The following PRORP variants were observed in gnomAD, a reference collection of about 807,000 sequenced individuals.
The protein encoded by PRORP is mitochondrial ribonuclease P catalytic subunit.
In PRORP, 51 loss-of-function variants were observed where a neutral mutation model predicts 59.4. That is an observed-to-expected ratio of 0.86 (90% CI 0.69 to 1.08). The LOEUF (loss-of-function observed/expected upper bound fraction) is 1.08. Ranked by LOEUF, PRORP falls within the 50% of genes least tolerant of loss-of-function variation. The probability of loss-of-function intolerance (pLI) is 0.00; values close to 1 mark genes in which losing one functional copy is unlikely to be tolerated. For missense variants in PRORP, 646 were observed against 690.3 expected (o/e 0.94, Z 0.72); for synonymous variants, 231 against 245.6 (o/e 0.94, Z 0.55).
chr14:35,180,865 A>C, intron 5 of PRORP, 88 bp downstream of exon 5: 1 of 825,762 alleles, frequency 1.2e-6, no homozygotes, highest in East Asian at 2.6e-5. Flanking sequence ...TTAGCTCCTC[A>C]GTTTTTCTTC....
At position 35,275,398 on chromosome 14, in the gene PRORP, A is replaced by C. The variant is rs1001637980; in HGVS notation, c.*1832A>C. 1.3e-5 allele frequency: 2 copies of C among 152,214 alleles called. No homozygotes were observed. The highest frequency in any genetic ancestry group is 2.9e-5 in the Non-Finnish European group (2 of 68,048). The allele number at this position is 152,214 out of a possible 1,614,324, so 9.4% of individuals were successfully genotyped here. ...TTCTTACCTATTTACTGAATGCAAC[A>C]TTACTGCACACCAAGACAAAAGAGC... On this transcript the variant is annotated 3_prime_UTR_variant, in exon 8 of 8. Transcript: ENST00000534898.
chr14:35,131,598 G>A (rs150476628), intron 4 of PRORP, among the ~76,000 whole-genome samples: 10,594 of 149,838 alleles, frequency 0.071, 496 homozygotes, highest in Non-Finnish European at 0.11. Flanking sequence ...GTGCTATTTC[G>A]GCTCACTGCA....
chr14:35,153,208 C>G (rs560091748), intron 4 of PRORP, among the ~76,000 whole-genome samples: 1 of 152,206 alleles, frequency 6.6e-6, no homozygotes, highest in East Asian at 1.9e-4. Context: ...GCCAACACAG[C>G]GAAACCCCGT....
rs2048332703 is a variant in PRORP at position 35,172,413 on chromosome 14, T to TTCCTTCC, written c.1168-8256_1168-8255insCCTTCCT. Among the ~76,000 whole-genome samples the TTCCTTCC allele has an allele frequency of 4.8e-3, 374 of 77,604 alleles. 12 individuals are homozygous for TTCCTTCC. Among genetic ancestry groups the TTCCTTCC allele is most frequent in the African/African-American group, 0.015 (321 of 21,088 alleles). The allele number at this position is 77,604 out of a possible 152,430, so 50.9% of individuals were successfully genotyped here. A position where few individuals can be genotyped will look rare whatever the true frequency, so the allele number is the denominator to read the frequency against. On this transcript the variant is annotated intron_variant, in intron 4 of 7. Transcript: ENST00000534898. ...TCTACACTTTGGATTGGTTTCTTTCTTTCCTTCCTTCCTTCCTTCCTTCCT... is the reference window on the plus strand; with the variant it reads ...TCTACACTTTGGATTGGTTTCTTTCTTCCTTCCTTCCTTCCTTCCTTCCTTCCTTCCT...
chr14:35,149,892 C>T (rs140606614), intron 4 of PRORP, among the ~76,000 whole-genome samples: 79 of 152,252 alleles, frequency 5.2e-4, no homozygotes, highest in African/African-American at 1.7e-3. Context: ...CTCTATCACC[C>T]AGGCTGGAGT....
chr14:35,136,869 A>G (rs2047388153), intron 4 of PRORP, among the ~76,000 whole-genome samples: 1 of 145,750 alleles, frequency 6.9e-6, no homozygotes, highest in Non-Finnish European at 1.5e-5. Flanking sequence ...GATGGGGAAC[A>G]CCAGCATAGG....
chr14:35,233,938 A>G (rs2050143209), intron 5 of PRORP, among the ~76,000 whole-genome samples: 1 of 152,164 alleles, frequency 6.6e-6, no homozygotes. Flanking sequence ...TTCCATTATA[A>G]TATTTTCTTG....
intron 4 of PRORP, among the ~76,000 whole-genome samples, chr14:35,153,816 G>C (rs941957704): frequency 1.3e-5 from 2 of 152,164 alleles, no homozygotes; most frequent in Non-Finnish European, 2.9e-5. Context: ...AAGTAGAAGG[G>C]AGTATTATTT....
intron 5 of PRORP, among the ~76,000 whole-genome samples, chr14:35,205,689 T>G (rs1029385017): frequency 2.0e-5 from 3 of 152,244 alleles, no homozygotes; most frequent in Non-Finnish European, 4.4e-5. Context: ...GGTTTTTGTT[T>G]GTTTTAATTA....
At chr14:35,164,639 G>A (rs2048139062) in intron 4 of PRORP, among the ~76,000 whole-genome samples, 2 of 152,274 alleles carry the variant, frequency 1.3e-5, no homozygotes, top group South Asian at 4.1e-4. Flanking sequence ...CTGCTAGAGG[G>A]GGTGGGGTAT....
rs1566439406 is a variant in PRORP, at chr14:35,124,223, G to A, written c.978G>A (p.Trp326Ter). 2 of 1,521,278 alleles carry A rather than the reference G, an allele frequency of 1.3e-6. No homozygotes were observed. The highest frequency in any genetic ancestry group is 2.8e-5 in the African/African-American group (2 of 71,210). The allele number at this position is 1,521,278 out of a possible 1,614,324, so 94.2% of individuals were successfully genotyped here. The change falls in exon 2 of 8, where the codon TGG becomes TGA. Residue 326 changes from tryptophan to a stop codon, truncating the protein, a stop_gained. Coordinates refer to ENST00000534898, the MANE Select transcript of PRORP (RefSeq NM_014672.4). LOFTEE classifies it high-confidence loss of function. ...GESFAHSIKT[W>*]FESVPGKQWK... Reference sequence around the variant, plus strand: ...CATTTGCACACAGTATAAAAACATGGTTTGAGAGGTAATTTTGGTTTTTTT... The same window carrying A: ...CATTTGCACACAGTATAAAAACATGATTTGAGAGGTAATTTTGGTTTTTTT...
At chr14:35,132,436 CAACAA>C (rs1281059264) in intron 4 of PRORP, among the ~76,000 whole-genome samples, 2 of 151,118 alleles carry the variant, frequency 1.3e-5, no homozygotes, top group African/African-American at 4.9e-5. Flanking sequence ...CCAGCCTGGG[CAACAA>C]GAGCAAATCT....
chr14:35,216,935 T>G (rs2049613239), intron 5 of PRORP, among the ~76,000 whole-genome samples: 1 of 152,210 alleles, frequency 6.6e-6, no homozygotes, highest in South Asian at 2.1e-4. Flanking sequence ...TATTAGCCAT[T>G]TGTGTATAGT....
Position 35,145,835 on chromosome 14 carries a change from T to TTTATTTATTTATTTATTTATTTA in PRORP, c.1167+18226_1167+18227insATTTATTTATTTATTTATTTATT, listed in dbSNP as rs1161295034. Among the ~76,000 whole-genome samples, 8 of 133,180 alleles carry TTTATTTATTTATTTATTTATTTA rather than the reference T, an allele frequency of 6.0e-5. 2 individuals carry two copies. Among genetic ancestry groups the TTTATTTATTTATTTATTTATTTA allele is most frequent in the Non-Finnish European group, 9.7e-5 (6 of 61,906 alleles). The allele number at this position is 133,180 out of a possible 152,430, so 87.4% of individuals were successfully genotyped here. ...TATTTATTTATTTATTTATTTATTT[T>TTTATTTATTTATTTATTTATTTA]TTTATTTTTTGAGACAGAGTTTTGT... On this transcript the variant is annotated intron_variant, in intron 4 of 7. Transcript: ENST00000534898.
upstream of PRORP, chr14:35,122,110 G>T (rs28365850): frequency 1.4e-6 from 1 of 710,070 alleles, no homozygotes; most frequent in Non-Finnish European, 2.4e-6. Flanking sequence ...GGCTAAAGAG[G>T]CAAAAACAAT....
intron 5 of PRORP, among the ~76,000 whole-genome samples, chr14:35,220,521 C>A (rs929812836): frequency 6.6e-6 from 1 of 152,114 alleles, no homozygotes; most frequent in African/African-American, 2.4e-5. Flanking sequence ...ACCAGCCCCG[C>A]AAAACCTCAG....
intron 5 of PRORP, among the ~76,000 whole-genome samples, chr14:35,194,329 T>A (rs1235524608): frequency 6.6e-6 from 1 of 152,182 alleles, no homozygotes; most frequent in Admixed American, 6.5e-5. Context: ...GTGGCATATA[T>A]ACACCATGGA....
At chr14:35,214,822 G>T (rs192088197) in intron 5 of PRORP, among the ~76,000 whole-genome samples, 2 of 152,128 alleles carry the variant, frequency 1.3e-5, no homozygotes, top group Admixed American at 1.3e-4. Context: ...CAAGAGAATC[G>T]CTTGAACCCA....
At chr14:35,152,391 T>C (rs1452827730) in intron 4 of PRORP, among the ~76,000 whole-genome samples, 10 of 152,208 alleles carry the variant, frequency 6.6e-5, no homozygotes, top group Non-Finnish European at 1.2e-4. Flanking sequence ...TTCCCCCTTT[T>C]CTATTCCACA....
Sources: gnomAD v4.1 joint callset for allele counts (sites outside exome capture counted in the v4.1 genomes callset) on GRCh38, gnomAD v4.1.1 for gene constraint, MANE v1.5 for transcripts, NCBI Gene and HGNC (gene_info 2026-07-23, HGNC 2026-07-21) for gene names.